GPC6: variants seen among roughly 807,000 people sequenced by gnomAD.
The protein encoded by GPC6 is glypican 6, also known as glypican-6.
A neutral mutation model predicts 55.2 loss-of-function variants in GPC6; 14 were observed. That is an observed-to-expected ratio of 0.25 (90% CI 0.17 to 0.40). The LOEUF (loss-of-function observed/expected upper bound fraction) is 0.40. Among genes scored for constraint, GPC6 ranks in the 10% least tolerant of loss-of-function variants. The probability of loss-of-function intolerance (pLI) is 1.00; values close to 1 mark genes in which losing one functional copy is unlikely to be tolerated. For synonymous variants in GPC6, 278 were observed against 259.6 expected (o/e 1.07, Z -0.68); for missense variants, 641 against 708.5 (o/e 0.90, Z 1.08).
chr13:94,328,624 G>A (rs1004739962), intron 6 of GPC6, among the ~76,000 whole-genome samples: 1 of 152,340 alleles, frequency 6.6e-6, no homozygotes, highest in South Asian at 2.1e-4. Context: ...GCATGGCCCT[G>A]CCTCCTGCAA....
At chr13:94,161,704 G>A (rs1888172275) in intron 4 of GPC6, among the ~76,000 whole-genome samples, 2 of 152,092 alleles carry the variant, frequency 1.3e-5, no homozygotes, top group African/African-American at 4.8e-5. Context: ...CAAGACTAGG[G>A]TGTCAGCTAG....
chr13:94,356,612 T>C lies in GPC6; in HGVS notation c.1153-25802T>C, dbSNP rs576684191. The stretch of plus-strand genomic sequence containing the variant: ...CCTGAAAGGATGAAGCAGCTGTGGA[T>C]AGGCTAAGAGAAGAGCCATCACTCC... On this transcript the variant is annotated intron_variant, in intron 6 of 8. Coordinates refer to ENST00000377047, the MANE Select transcript of GPC6 (RefSeq NM_005708.5). Among the ~76,000 whole-genome samples the C allele has an allele frequency of 1.8e-4, 27 of 152,334 alleles. 1 individual carries two copies. In the South Asian group the frequency reaches 5.4e-3, roughly 30 times the overall value.
At chr13:94,213,664 G>A (rs1185077656) in intron 4 of GPC6, among the ~76,000 whole-genome samples, 4 of 152,242 alleles carry the variant, frequency 2.6e-5, no homozygotes, top group Non-Finnish European at 5.9e-5. Context: ...TCCCAGCCCC[G>A]GCTCATCCAC....
chr13:94,052,736 GGGGCCTGCCTTAGCCA>G lies in GPC6; in HGVS notation c.877+24845_877+24860del, dbSNP rs1424103032. On this transcript the variant is annotated intron_variant, in intron 4 of 8. Coordinates refer to ENST00000377047, the MANE Select transcript of GPC6 (RefSeq NM_005708.5). ...TCCAAACTTAATTTTAAGCTTCTTG[GGGGCCTGCCTTAGCCA>G]GGCAATTAATTATGTGTCCCTTAAT... Among the ~76,000 whole-genome samples, 5 of 151,940 alleles carry G rather than the reference GGGGCCTGCCTTAGCCA, an allele frequency of 3.3e-5. No individual in the cohort carries two copies. In the South Asian group the frequency reaches 1.0e-3, roughly 32 times the overall value.
At chr13:94,310,654 A>T (rs960236534) in intron 6 of GPC6, among the ~76,000 whole-genome samples, 3 of 152,078 alleles carry the variant, frequency 2.0e-5, no homozygotes, top group Admixed American at 2.0e-4. Context: ...CTCCTCCACT[A>T]TCCCTTTCCA....
chr13:94,019,802 G>A (rs887017971), intron 3 of GPC6, among the ~76,000 whole-genome samples: 9 of 152,164 alleles, frequency 5.9e-5, no homozygotes, highest in African/African-American at 1.9e-4. Flanking sequence ...ATCCACCACA[G>A]CGTACAACTG....
intron 2 of GPC6, among the ~76,000 whole-genome samples, chr13:93,796,645 T>G (rs1886206073): frequency 6.6e-6 from 1 of 152,162 alleles, no homozygotes; most frequent in African/African-American, 2.4e-5. Flanking sequence ...GAGGAAAGCT[T>G]CTCCTTCCTC....
intron 4 of GPC6, among the ~76,000 whole-genome samples, chr13:94,140,927 T>C (rs1199888986): frequency 6.6e-6 from 1 of 151,756 alleles, no homozygotes; most frequent in East Asian, 1.9e-4. Flanking sequence ...TAAATATATA[T>C]TTATATTACG....
chr13:93,810,052 T>TC (rs1318488945), intron 2 of GPC6, among the ~76,000 whole-genome samples: 2 of 152,014 alleles, frequency 1.3e-5, no homozygotes, highest in African/African-American at 4.8e-5. Flanking sequence ...TAAAGAAAGC[T>TC]CCCCCAACCC....
At chr13:93,829,274 T>C (rs1887392563) in intron 2 of GPC6, among the ~76,000 whole-genome samples, 1 of 152,202 alleles carries the variant, frequency 6.6e-6, no homozygotes, top group Non-Finnish European at 1.5e-5. Flanking sequence ...ATAGGTGCCC[T>C]ACACACACAA....
chr13:93,891,091 C>G (rs1875654360), intron 3 of GPC6, among the ~76,000 whole-genome samples: 1 of 152,006 alleles, frequency 6.6e-6, no homozygotes, highest in Admixed American at 6.6e-5. Context: ...ATGATATTAA[C>G]AACTTTTTAA....
At chr13:94,205,876 G>A (rs1187911003) in intron 4 of GPC6, among the ~76,000 whole-genome samples, 2 of 152,150 alleles carry the variant, frequency 1.3e-5, no homozygotes, top group Non-Finnish European at 2.9e-5. Flanking sequence ...CTGGAACACT[G>A]GTTTTCAACT....
At chr13:94,115,730 T>C (rs1375196058) in intron 4 of GPC6, among the ~76,000 whole-genome samples, 1 of 152,154 alleles carries the variant, frequency 6.6e-6, no homozygotes, top group Non-Finnish European at 1.5e-5. Flanking sequence ...AACATTTCTA[T>C]GTGGATGCTT....
At chr13:93,556,691 C>G (rs1019335516) in intron 2 of GPC6, among the ~76,000 whole-genome samples, 16 of 151,990 alleles carry the variant, frequency 1.1e-4, no homozygotes, top group African/African-American at 3.9e-4. Flanking sequence ...CTCTCCACCA[C>G]TCACTCGCTG....
intron 1 of GPC6, among the ~76,000 whole-genome samples, chr13:93,514,944 T>C (rs773119868): frequency 1.1e-4 from 17 of 152,204 alleles, no homozygotes; most frequent in Non-Finnish European, 1.9e-4. Flanking sequence ...AATATTTGTG[T>C]GTCTCCCAAA....
intron 1 of GPC6, among the ~76,000 whole-genome samples, chr13:93,445,540 G>C (rs1048733519): frequency 6.6e-6 from 1 of 152,226 alleles, no homozygotes; most frequent in Admixed American, 6.5e-5. Context: ...AATGGAGTCT[G>C]TCAACTCTTC....
At chr13:93,995,847 A>C (rs1392882786) in intron 3 of GPC6, among the ~76,000 whole-genome samples, 1 of 152,172 alleles carries the variant, frequency 6.6e-6, no homozygotes, top group Non-Finnish European at 1.5e-5. Context: ...ATTCTACCCT[A>C]ACAGAACAAA....
chr13:93,383,649 G>C (rs990000809), intron 1 of GPC6, among the ~76,000 whole-genome samples: 39 of 152,012 alleles, frequency 2.6e-4, no homozygotes, highest in Admixed American at 2.4e-3. Context: ...TTTTTGGATA[G>C]TGCTGGGAAA....
At chr13:93,620,887 C>A (rs1438429261) in intron 2 of GPC6, among the ~76,000 whole-genome samples, 1 of 152,106 alleles carries the variant, frequency 6.6e-6, no homozygotes, top group Non-Finnish European at 1.5e-5. Flanking sequence ...ACATCCTTCA[C>A]CTATTTAGAT....
Sources: gnomAD v4.1 joint callset for allele counts (sites outside exome capture counted in the v4.1 genomes callset) on GRCh38, gnomAD v4.1.1 for gene constraint, MANE v1.5 for transcripts, NCBI Gene and HGNC (gene_info 2026-07-23, HGNC 2026-07-21) for gene names.